Variants in USP31 observed in about 807,000 individuals in gnomAD.
USP31 encodes the protein ubiquitin carboxyl-terminal hydrolase 31.
Under a neutral mutation model 119.4 loss-of-function variants are expected in USP31, and 44 were observed. The observed-to-expected ratio is 0.37, with a 90% CI of 0.29 to 0.47. The LOEUF (loss-of-function observed/expected upper bound fraction) is 0.47. USP31 is among the 20% of genes least tolerant of loss of function. USP31 has a pLI of 0.99. For missense variants in USP31, 1,643 were observed against 1,730.2 expected, an observed-to-expected ratio of 0.95 and a Z score of 0.89; for synonymous variants, 749 against 705.6, an observed-to-expected ratio of 1.06 and a Z score of -0.97.
At chr16:23,110,029 A>G (rs1902255014) in intron 1 of USP31, among the ~76,000 whole-genome samples, 1 of 152,202 alleles carries the variant, frequency 6.6e-6, no homozygotes, top group Non-Finnish European at 1.5e-5. Context: ...AAACCTGAAT[A>G]AAGTATCAAA....
intron 1 of USP31, among the ~76,000 whole-genome samples, chr16:23,117,718 T>A (rs911433159): frequency 6.6e-6 from 1 of 152,062 alleles, no homozygotes; most frequent in African/African-American, 2.4e-5. Flanking sequence ...GGGTTCAAGT[T>A]CTCATTCTAC....
chr16:23,146,334 T>C (rs942032440), intron 1 of USP31, among the ~76,000 whole-genome samples: 21 of 151,976 alleles, frequency 1.4e-4, no homozygotes, highest in Admixed American at 9.2e-4. Flanking sequence ...CTCACGCCTG[T>C]AATCTCAGCA....
chr16:23,090,807 G>GA lies in USP31; in HGVS notation c.1235-4dup. 1 of 1,531,790 alleles carries GA rather than the reference G, an allele frequency of 6.5e-7. No homozygotes were observed. Among genetic ancestry groups the GA allele is most frequent in the Non-Finnish European group, 8.9e-7 (1 of 1,123,824 alleles). 94.9% of individuals were successfully genotyped at this position (1,531,790 alleles called of 1,614,324 possible). The stretch of plus-strand genomic sequence containing the variant: ...TAGGTTGTTGTTTAAATGAATTCCT[G>GA]AAACAGAATAAAAACAACTCATTTT... On this transcript the variant is annotated splice_polypyrimidine_tract_variant and splice_region_variant and intron_variant, in intron 6 of 15. Coordinates refer to ENST00000219689, the MANE Select transcript of USP31 (RefSeq NM_020718.4).
intron 15 of USP31, among the ~76,000 whole-genome samples, chr16:23,070,711 T>TAA (rs34018986): frequency 6.8e-6 from 1 of 146,280 alleles, no homozygotes. Flanking sequence ...AGACTCCGTT[T>TAA]AAAAAAAAAA....
intron 6 of USP31, among the ~76,000 whole-genome samples, chr16:23,096,097 C>A (rs1468860290): frequency 1.3e-5 from 2 of 152,022 alleles, no homozygotes; most frequent in Non-Finnish European, 2.9e-5. Context: ...TCAGGAGACC[C>A]ATCTCATGTG....
rs1900097808 is a variant in USP31, at chr16:23,066,949, C to T, written c.*1097G>A. 6.6e-6 allele frequency: 1 copy of T among 152,222 alleles called. No individual in the cohort carries two copies. The highest frequency in any genetic ancestry group is 6.5e-5 in the Admixed American group (1 of 15,292). The allele number at this position is 152,222 out of a possible 1,614,324, so 9.4% of individuals were successfully genotyped here. A position where few individuals can be genotyped will look rare whatever the true frequency, so the allele number is the denominator to read the frequency against. On this transcript the variant is annotated 3_prime_UTR_variant, in exon 16 of 16. Transcript: ENST00000219689. ...CAGGATCTGAAGTGCATATGTAACACTTGATCACACAACGCTTCAACATAC... is the reference window on the plus strand; with the variant it reads ...CAGGATCTGAAGTGCATATGTAACATTTGATCACACAACGCTTCAACATAC...
At position 23,102,674 on chromosome 16, in the gene USP31, G is replaced by A. The variant is rs909355752; in HGVS notation, c.1090-211C>T. 2.0e-5 allele frequency among the ~76,000 whole-genome samples: 3 copies of A among 152,054 alleles called. No individual in the cohort carries two copies. The East Asian group carries it at 5.8e-4, about 29-fold the overall frequency. The stretch of plus-strand genomic sequence containing the variant: ...AATATACAGTCACCCCTCCATATCT[G>A]TGGGTGCTACATCTGTGGATTCAAC... On this transcript the variant is annotated intron_variant, in intron 5 of 15. Transcript: ENST00000219689.
At chr16:23,115,789 C>G in intron 1 of USP31, 1 of 984,298 alleles carries the variant, frequency 1.0e-6, no homozygotes, top group Non-Finnish European at 1.2e-6. Flanking sequence ...CACAAAATTT[C>G]TCCTTACCCT....
rs561902868 is a variant in USP31 at position 23,085,481 on chromosome 16, A to G, written c.1700+104T>C. On this transcript the variant is annotated intron_variant, in intron 10 of 15. Coordinates refer to ENST00000219689, the MANE Select transcript of USP31 (RefSeq NM_020718.4). ...AACACACCTGGATACTTAGCTAAAG[A>G]GAAGAGAGATTTGTGTTTCAGCTCA... is the stretch of plus-strand genomic sequence containing the variant. 1.4e-5 allele frequency: 15 copies of G among 1,050,470 alleles called. No homozygotes were observed. In the African/African-American group the frequency reaches 2.4e-4, roughly 17 times the overall value. 65.1% of individuals were successfully genotyped at this position (1,050,470 alleles called of 1,614,324 possible).
chr16:23,078,719 C>A (rs968383690), intron 13 of USP31, among the ~76,000 whole-genome samples: 1 of 152,168 alleles, frequency 6.6e-6, no homozygotes, highest in Non-Finnish European at 1.5e-5. Context: ...GAGCCCAGGG[C>A]AAGCAGGATG....
chr16:23,108,208 G>C (rs751178545), intron 1 of USP31, 25 bp from the exon 2 acceptor site: 3 of 1,583,066 alleles, frequency 1.9e-6, no homozygotes, highest in Non-Finnish European at 1.7e-6. Context: ...AAATCACCAT[G>C]AACAGCTGTG....
intron 1 of USP31, among the ~76,000 whole-genome samples, chr16:23,136,434 C>T (rs777405787): frequency 1.3e-4 from 20 of 152,124 alleles, no homozygotes; most frequent in Non-Finnish European, 5.9e-5. Flanking sequence ...GGGTGGATCA[C>T]CTGAGGTCAG....
intron 7 of USP31, 34 bp downstream of exon 7, chr16:23,090,590 C>T: frequency 3.2e-6 from 5 of 1,567,622 alleles, no homozygotes; most frequent in Non-Finnish European, 4.4e-6. Flanking sequence ...CTGTTACAGT[C>T]TAGGTACTTA....
rs137916846 is a variant in USP31 at position 23,090,743 on chromosome 16, A to G, written c.1296T>C (p.Ser432=). Residue 432 remains serine (S), a synonymous_variant, in exon 7 of 16, where the codon TCT becomes TCC. Transcript: ENST00000219689. ...GCTTTGCTGCTGTTTGTGTAGGAGAAGACAGTCTATGATAATCCAAGCCAA... is the reference window on the plus strand; with the variant it reads ...GCTTTGCTGCTGTTTGTGTAGGAGAGGACAGTCTATGATAATCCAAGCCAA... ...LKFGLDYHRL[S]SPTQTAAKQG... The G allele has an allele frequency of 6.2e-7, 1 of 1,613,928 alleles. No individual in the cohort carries two copies. Among genetic ancestry groups the G allele is most frequent in the Non-Finnish European group, 8.5e-7 (1 of 1,179,820 alleles).
intron 8 of USP31, among the ~76,000 whole-genome samples, chr16:23,087,446 G>A (rs74412163): frequency 0.04 from 6,100 of 152,156 alleles, 423 homozygotes; most frequent in African/African-American, 0.14. Context: ...GGTCTTCCAC[G>A]GATACCTTAA....
chr16:23,063,153 C>T lies in USP31; in HGVS notation c.*4893G>A, dbSNP rs1899919534. ...TCTCAGACAAGTCATTCAGAAGAGG[C>T]TTAAAAGAATCTTGAGGAAAATACA... On this transcript the variant is annotated 3_prime_UTR_variant, in exon 16 of 16. Transcript: ENST00000219689. 1.3e-5 allele frequency: 2 copies of T among 152,188 alleles called. No homozygotes were observed. Among genetic ancestry groups the T allele is most frequent in the Admixed American group, 6.5e-5 (1 of 15,280 alleles). 9.4% of individuals were successfully genotyped at this position (152,188 alleles called of 1,614,324 possible). A position where few individuals can be genotyped will look rare whatever the true frequency, so the allele number is the denominator to read the frequency against.
chr16:23,101,970 T>TAAAAAAAAAAAAA (rs34773118), intron 6 of USP31, among the ~76,000 whole-genome samples: 1 of 85,524 alleles, frequency 1.2e-5, no homozygotes, highest in African/African-American at 4.6e-5. Context: ...TAGCAAAATT[T>TAAAAAAAAAAAAA]AAAAAAAAAA....
At chr16:23,116,010 A>G (rs893278862) in intron 1 of USP31, among the ~76,000 whole-genome samples, 9 of 152,186 alleles carry the variant, frequency 5.9e-5, no homozygotes, top group African/African-American at 2.2e-4. Context: ...AAGAAAAAGC[A>G]ATGGTCGGTC....
rs1048234984 is a variant in USP31 at position 23,061,576 on chromosome 16, T to C, written c.*6470A>G. The C allele has an allele frequency of 6.6e-6, 1 of 152,634 alleles. No homozygotes were observed. The highest frequency in any genetic ancestry group is 6.5e-5 in the Admixed American group (1 of 15,286). The allele number at this position is 152,634 out of a possible 1,614,324, so 9.5% of individuals were successfully genotyped here. A position where few individuals can be genotyped will look rare whatever the true frequency, so the allele number is the denominator to read the frequency against. ...TGCATACACTTTGAATAATAAAACA[T>C]ACAAATAAATAACAGAAATCAGTGA... On this transcript the variant is annotated 3_prime_UTR_variant, in exon 16 of 16. Coordinates refer to ENST00000219689, the MANE Select transcript of USP31 (RefSeq NM_020718.4).
Sources: allele counts gnomAD v4.1 joint callset (sites outside exome capture counted in the v4.1 genomes callset), GRCh38; gene constraint gnomAD v4.1.1; transcripts MANE v1.5; gene names NCBI Gene and HGNC (gene_info 2026-07-23, HGNC 2026-07-21).